MYRFL: variants seen among roughly 807,000 people sequenced by gnomAD.
MYRFL encodes myelin regulatory factor-like protein.
Under a neutral mutation model 109.4 loss-of-function variants are expected in MYRFL, and 88 were observed. That is an observed-to-expected ratio of 0.80 (90% confidence interval 0.68 to 0.96). The LOEUF (loss-of-function observed/expected upper bound fraction) is 0.96. Among genes scored for constraint, MYRFL ranks in the 40% least tolerant of loss-of-function variants. The pLI is 0.00. For synonymous variants in MYRFL, 324 were observed against 320.9 expected (o/e 1.01, Z -0.10); for missense variants, 957 against 954.9 (o/e 1.00, Z -0.03).
intron 1 of MYRFL, among the ~76,000 whole-genome samples, chr12:69,834,905 G>A (rs925996578): frequency 6.6e-6 from 1 of 152,160 alleles, no homozygotes; most frequent in Non-Finnish European, 1.5e-5. Flanking sequence ...ACAGAACAGT[G>A]AAACTTAATA....
chr12:69,920,398 C>T (rs1954872867), intron 13 of MYRFL, among the ~76,000 whole-genome samples: 1 of 152,152 alleles, frequency 6.6e-6, no homozygotes, highest in African/African-American at 2.4e-5. Flanking sequence ...AAAGAATAAA[C>T]TAGACACTGG....
intron 1 of MYRFL, among the ~76,000 whole-genome samples, chr12:69,828,747 A>G (rs1882439668): frequency 6.6e-6 from 1 of 152,070 alleles, no homozygotes; most frequent in African/African-American, 2.4e-5. Context: ...AGTACAGTAA[A>G]TCCCATTCCT....
chr12:69,938,280 T>C (rs918676287), intron 19 of MYRFL, among the ~76,000 whole-genome samples: 10 of 152,224 alleles, frequency 6.6e-5, no homozygotes, highest in Non-Finnish European at 1.5e-4. Flanking sequence ...TGGGAGCCCA[T>C]GCTGGAGACA....
chr12:69,927,510 T>C (rs1413781438), intron 14 of MYRFL, among the ~76,000 whole-genome samples, 175 bp from the exon 15 acceptor site: 3 of 152,188 alleles, frequency 2.0e-5, no homozygotes, highest in Non-Finnish European at 4.4e-5. Context: ...TCAGTTATAC[T>C]TACTAAAGTT....
intron 1 of MYRFL, among the ~76,000 whole-genome samples, chr12:69,833,674 A>C (rs918848134): frequency 6.6e-6 from 1 of 152,190 alleles, no homozygotes; most frequent in African/African-American, 2.4e-5. Flanking sequence ...GCTATTAGGT[A>C]TGTGAAGTGC....
intron 4 of MYRFL, among the ~76,000 whole-genome samples, 167 bp downstream of exon 4, chr12:69,879,620 A>G (rs1885934998): frequency 6.6e-6 from 1 of 152,186 alleles, no homozygotes; most frequent in Admixed American, 6.5e-5. Context: ...GGCTTAGACA[A>G]TCTTTTAATT....
intron 13 of MYRFL, among the ~76,000 whole-genome samples, chr12:69,915,332 A>G (rs1442772882): frequency 6.6e-6 from 1 of 152,118 alleles, no homozygotes; most frequent in East Asian, 1.9e-4. Flanking sequence ...CAGCCTCTCC[A>G]TTCTTCACTC....
intron 10 of MYRFL, among the ~76,000 whole-genome samples, chr12:69,898,997 T>G (rs1328133610): frequency 1.3e-5 from 2 of 152,162 alleles, no homozygotes; most frequent in Admixed American, 1.3e-4. Flanking sequence ...TGATTCGTAT[T>G]CGGTGTGAGT....
chr12:69,825,403 G>T lies in MYRFL; in HGVS notation c.-115G>T. 1 of 689,674 alleles carries T rather than the reference G, an allele frequency of 1.4e-6. No homozygotes were observed. Among genetic ancestry groups the T allele is most frequent in the South Asian group, 1.5e-5 (1 of 64,928 alleles). The allele number at this position is 689,674 out of a possible 1,614,324, so 42.7% of individuals were successfully genotyped here. ...AAGATATGCTTCACTCCAATAAAAAGAAAATGAAGATTTTTCAAGAGCATT... is the reference window on the plus strand; with the variant it reads ...AAGATATGCTTCACTCCAATAAAAATAAAATGAAGATTTTTCAAGAGCATT... On this transcript the variant is annotated 5_prime_UTR_variant, in exon 1 of 25. Coordinates refer to ENST00000552032, the MANE Select transcript of MYRFL (RefSeq NM_182530.3).
At chr12:69,871,787 C>A (rs1885370721) in intron 2 of MYRFL, among the ~76,000 whole-genome samples, 1 of 151,740 alleles carries the variant, frequency 6.6e-6, no homozygotes, top group Non-Finnish European at 1.5e-5. Flanking sequence ...TTGTTTGAAT[C>A]ATTGCCTTGT....
At chr12:69,899,895 T>C (rs777280204) in intron 10 of MYRFL, among the ~76,000 whole-genome samples, 1 of 152,228 alleles carries the variant, frequency 6.6e-6, no homozygotes, top group Non-Finnish European at 1.5e-5. Context: ...CAGATTTATT[T>C]GCAGAGTCTT....
intron 2 of MYRFL, among the ~76,000 whole-genome samples, chr12:69,878,095 T>C (rs1885798714): frequency 6.6e-6 from 1 of 151,976 alleles, no homozygotes; most frequent in Non-Finnish European, 1.5e-5. Flanking sequence ...ATACAAAAAT[T>C]AACCAGGTGT....
At position 69,955,352 on chromosome 12, in the gene MYRFL, T is replaced by C. The variant is rs1156342267; in HGVS notation, c.2376-11T>C. ...TTTTGATTTGTGGTTTTATTTTCTT[T>C]CCATAATTAGATCTGGAAATTATAA... On this transcript the variant is annotated splice_polypyrimidine_tract_variant and intron_variant, in intron 21 of 24. Coordinates refer to ENST00000552032, the MANE Select transcript of MYRFL (RefSeq NM_182530.3). 2 of 626,904 alleles carry C rather than the reference T, an allele frequency of 3.2e-6. No individual in the cohort carries two copies. The highest frequency in any genetic ancestry group is 3.0e-5 in the Admixed American group (1 of 33,816). 38.8% of individuals were successfully genotyped at this position (626,904 alleles called of 1,614,324 possible).
intron 19 of MYRFL, among the ~76,000 whole-genome samples, chr12:69,951,772 A>T (rs1955982331): frequency 6.6e-6 from 1 of 152,154 alleles, no homozygotes; most frequent in Non-Finnish European, 1.5e-5. Context: ...ATTGTATTAG[A>T]ACCCACCCTG....
intron 2 of MYRFL, among the ~76,000 whole-genome samples, chr12:69,877,209 G>C (rs1885740807): frequency 6.6e-6 from 1 of 151,778 alleles, no homozygotes; most frequent in South Asian, 2.1e-4. Flanking sequence ...ATTTTTAGTA[G>C]AGACGGAGTT....
intron 4 of MYRFL, among the ~76,000 whole-genome samples, 156 bp downstream of exon 4, chr12:69,879,609 T>A (rs943797076): frequency 6.6e-6 from 1 of 152,204 alleles, no homozygotes; most frequent in Non-Finnish European, 1.5e-5. Flanking sequence ...CCAGTGTTCT[T>A]GGCTTAGACA....
rs1956150345 is a variant in MYRFL, at chr12:69,958,654, CTT to C, written c.*127_*128del. On this transcript the variant is annotated 3_prime_UTR_variant, in exon 25 of 25. Coordinates refer to ENST00000552032, the MANE Select transcript of MYRFL (RefSeq NM_182530.3). The stretch of plus-strand genomic sequence containing the variant: ...AACATTTACGTTTATTGCTGAAGGA[CTT>C]TTTCAGGCTTTAGCTTCCAACAGTT... 2.9e-6 allele frequency: 2 copies of C among 687,140 alleles called. No individual in the cohort carries two copies. Among genetic ancestry groups the C allele is most frequent in the Non-Finnish European group, 4.7e-6 (2 of 423,144 alleles). 42.6% of individuals were successfully genotyped at this position (687,140 alleles called of 1,614,324 possible).
intron 1 of MYRFL, among the ~76,000 whole-genome samples, chr12:69,835,498 A>G (rs1049905819): frequency 1.3e-5 from 2 of 152,234 alleles, no homozygotes; most frequent in African/African-American, 4.8e-5. Context: ...CTTAATTTGC[A>G]TAGCTATTTT....
chr12:69,853,639 C>A (rs1441099374), intron 1 of MYRFL, among the ~76,000 whole-genome samples: 1 of 139,242 alleles, frequency 7.2e-6, no homozygotes, highest in Non-Finnish European at 1.5e-5. Flanking sequence ...GACTGGGCGG[C>A]TGGGCAGAGG....
Sources: allele counts gnomAD v4.1 joint callset (sites outside exome capture counted in the v4.1 genomes callset), GRCh38; gene constraint gnomAD v4.1.1; transcripts MANE v1.5; gene names NCBI Gene and HGNC (gene_info 2026-07-23, HGNC 2026-07-21).